ABCB10: variants seen among roughly 807,000 people sequenced by gnomAD.
ABCB10 encodes ATP-binding cassette sub-family B member 10, mitochondrial.
A neutral mutation model predicts 65.4 loss-of-function variants in ABCB10; 54 were observed. That is an observed-to-expected ratio of 0.83 (90% CI 0.66 to 1.04). ABCB10 has a LOEUF of 1.04. ABCB10 is among the 50% of genes least tolerant of loss of function. The pLI, the probability that ABCB10 is intolerant of heterozygous loss-of-function variation, is 0.00. For synonymous variants in ABCB10, 418 were observed against 406.5 expected, an observed-to-expected ratio of 1.03 and a Z score of -0.34; for missense variants, 846 against 976.6, an observed-to-expected ratio of 0.87 and a Z score of 1.78.
intron 6 of ABCB10, among the ~76,000 whole-genome samples, chr1:229,538,271 T>C (rs1431661216): frequency 6.6e-6 from 1 of 152,018 alleles, no homozygotes; most frequent in Non-Finnish European, 1.5e-5. Context: ...TCATGCCAAA[T>C]GATTCAGAGG....
At chr1:229,556,414 T>G (rs1558131008) in intron 1 of ABCB10, among the ~76,000 whole-genome samples, 2 of 149,886 alleles carry the variant, frequency 1.3e-5, no homozygotes, top group Non-Finnish European at 3.0e-5. Context: ...TGGTGGCACA[T>G]GCCTGTAGTC....
chr1:229,546,325 G>A (rs1662966697), intron 3 of ABCB10, among the ~76,000 whole-genome samples: 1 of 151,838 alleles, frequency 6.6e-6, no homozygotes, highest in African/African-American at 2.4e-5. Flanking sequence ...CCAAATACAT[G>A]GTAATTGACT....
In ABCB10 at chr1:229,525,921, A is replaced by G. The variant is rs375446207; in HGVS notation, c.1906+15T>C. The G allele has an allele frequency of 6.3e-7, 1 of 1,597,662 alleles. No individual in the cohort carries two copies. Among genetic ancestry groups the G allele is most frequent in the Non-Finnish European group, 8.5e-7 (1 of 1,172,844 alleles). On this transcript the variant is annotated intron_variant, in intron 10 of 12. Transcript: ENST00000344517. ...GGATATAGAGACTTTGCTACAAAGC[A>G]GTAAAGAAATGCACCTGAGAGGAGA...
At chr1:229,523,694 AG>A (rs1374736213) in intron 10 of ABCB10, among the ~76,000 whole-genome samples, 1 of 152,198 alleles carries the variant, frequency 6.6e-6, no homozygotes, top group Non-Finnish European at 1.5e-5. Context: ...CCAGAAAGCA[AG>A]AGCAGACTGG....
Position 229,546,633 on chromosome 1 carries a change from G to C in ABCB10, c.921+866C>G, listed in dbSNP as rs188632049. On this transcript the variant is annotated intron_variant, in intron 3 of 12. Transcript: ENST00000344517. ...AGCCTGTAATCCCAGCACTTCAGGA[G>C]GCCGAGGCAGGAGGATCACTTGAGG... Among the ~76,000 whole-genome samples the C allele has an allele frequency of 7.0e-4, 107 of 152,246 alleles. 1 individual carries two copies. In the East Asian group the frequency reaches 0.018, roughly 25 times the overall value.
chr1:229,541,233 CT>C, intron 4 of ABCB10, among the ~76,000 whole-genome samples: 1 of 151,858 alleles, frequency 6.6e-6, no homozygotes. Context: ...TTTTATTTTT[CT>C]TTTTTTTCTG....
At chr1:229,552,398 G>C (rs1025932245) in intron 1 of ABCB10, among the ~76,000 whole-genome samples, 3 of 152,116 alleles carry the variant, frequency 2.0e-5, no homozygotes, top group Non-Finnish European at 4.4e-5. Context: ...TAAGTCTCTT[G>C]CTTGCCCCCA....
chr1:229,519,260 T>C (rs1662247213), intron 11 of ABCB10, among the ~76,000 whole-genome samples: 3 of 152,204 alleles, frequency 2.0e-5, no homozygotes, highest in South Asian at 2.1e-4. Flanking sequence ...GGGCAAATTA[T>C]GTAGTATGTG....
At chr1:229,546,420 T>C (rs1221506795) in intron 3 of ABCB10, among the ~76,000 whole-genome samples, 1 of 152,176 alleles carries the variant, frequency 6.6e-6, no homozygotes, top group Non-Finnish European at 1.5e-5. Context: ...ACTTTGATTT[T>C]TGACTGTGTG....
chr1:229,542,215 G>A lies in ABCB10; in HGVS notation c.1056+22C>T, dbSNP rs756212214. The A allele has an allele frequency of 2.5e-5, 40 of 1,611,844 alleles. 1 individual carries two copies. The African/African-American group carries it at 2.5e-4, about 10-fold the overall frequency. On this transcript the variant is annotated intron_variant, in intron 4 of 12. Transcript: ENST00000344517. ...ATGACCCCATTCTGCTGGAAACCACGCGGACAGGAAGGGGCCTTTACCTGA... is the reference window on the plus strand; with the variant it reads ...ATGACCCCATTCTGCTGGAAACCACACGGACAGGAAGGGGCCTTTACCTGA...
chr1:229,543,582 C>G (rs527801850), intron 3 of ABCB10, among the ~76,000 whole-genome samples: 10 of 152,306 alleles, frequency 6.6e-5, no homozygotes, highest in African/African-American at 2.2e-4. Context: ...TGAGTGCAAG[C>G]ACTATTCCAG....
rs115501701 is a variant in ABCB10, at chr1:229,518,858, G to T, written c.1968C>A (p.Leu656=). The T allele has an allele frequency of 6.3e-7, 1 of 1,599,196 alleles. No homozygotes were observed. The highest frequency in any genetic ancestry group is 8.5e-7 in the Non-Finnish European group (1 of 1,173,934). ...ATCCTCACCTGGTTGCTTCATCTAG[G>T]AGAAGAATTTTGGGATTCTGAAGAA... ...RALLKNPKIL[L]LDEATSALDA... Residue 656 remains leucine (L), a synonymous_variant, in exon 12 of 13, where the codon CTC becomes CTA. Transcript: ENST00000344517.
intron 6 of ABCB10, among the ~76,000 whole-genome samples, chr1:229,537,147 A>G (rs373774943): frequency 6.6e-6 from 1 of 152,386 alleles, no homozygotes; most frequent in African/African-American, 2.4e-5. Context: ...GGCAGGAGGA[A>G]GTAAAGTAGA....
intron 1 of ABCB10, among the ~76,000 whole-genome samples, chr1:229,556,958 A>G (rs1336391471): frequency 3.9e-5 from 6 of 152,228 alleles, no homozygotes. Flanking sequence ...CTAGTCTCCA[A>G]TGTTTTTAAA....
chr1:229,540,870 T>C (rs56373110), intron 4 of ABCB10, 118 bp from the exon 5 acceptor site: 44,915 of 1,202,938 alleles, frequency 0.037, 951 homozygotes, highest in Middle Eastern at 0.07. Flanking sequence ...AGAAAAGAAA[T>C]AGTGATAGTA....
intron 9 of ABCB10, 23 bp downstream of exon 9, chr1:229,527,206 G>A (rs1662466015): frequency 6.4e-7 from 1 of 1,557,654 alleles, no homozygotes; most frequent in Non-Finnish European, 8.7e-7. Context: ...AAGTGAAATA[G>A]AAATGGAAGC....
Position 229,518,129 on chromosome 1 carries a change from C to T in ABCB10, c.*50G>A. The T allele has an allele frequency of 2.9e-6, 4 of 1,390,776 alleles. No homozygotes were observed. Among genetic ancestry groups the T allele is most frequent in the Non-Finnish European group, 3.0e-6 (3 of 992,420 alleles). The allele number at this position is 1,390,776 out of a possible 1,614,324, so 86.2% of individuals were successfully genotyped here. A position where few individuals can be genotyped will look rare whatever the true frequency, so the allele number is the denominator to read the frequency against. On this transcript the variant is annotated 3_prime_UTR_variant, in exon 13 of 13. Transcript: ENST00000344517. ...TCATAGTCTCTGAGTTTTTTTTCTG[C>T]AACACTGTTTTGCATTAAAGTCTCA...
intron 1 of ABCB10, among the ~76,000 whole-genome samples, chr1:229,552,780 C>T (rs74144732): frequency 0.018 from 2,724 of 152,274 alleles, 89 homozygotes; most frequent in African/African-American, 0.062. Flanking sequence ...TCCCTTTCAC[C>T]CTCATCTTAT....
At chr1:229,520,965 G>T (rs1053663498) in intron 11 of ABCB10, among the ~76,000 whole-genome samples, 1 of 152,156 alleles carries the variant, frequency 6.6e-6, no homozygotes, top group African/African-American at 2.4e-5. Flanking sequence ...TTCTGAAACT[G>T]GACTTTGTGT....
Sources: allele counts gnomAD v4.1 joint callset (sites outside exome capture counted in the v4.1 genomes callset), GRCh38; gene constraint gnomAD v4.1.1; transcripts MANE v1.5; gene names NCBI Gene and HGNC (gene_info 2026-07-23, HGNC 2026-07-21).